Variants in MYO10 observed in about 807,000 individuals in gnomAD.
The protein encoded by MYO10 is unconventional myosin-X.
Under a neutral mutation model 257.3 loss-of-function variants are expected in MYO10, and 133 were observed. The ratio of observed to expected loss-of-function variants is 0.52; its 90% CI spans 0.45 to 0.60. The LOEUF (loss-of-function observed/expected upper bound fraction) is 0.60, where lower values mean the gene tolerates loss of function less well. MYO10 is among the 20% of genes least tolerant of loss of function. The pLI is 0.00. For missense variants in MYO10, 2,399 were observed against 2,635.7 expected (o/e 0.91, Z 1.97); for synonymous variants, 1,104 against 1,028.6 (o/e 1.07, Z -1.40).
chr5:16,675,107 G>A lies in MYO10; in HGVS notation c.4710C>T (p.Ile1570=), dbSNP rs374578193. The A allele has an allele frequency of 2.5e-6, 4 of 1,613,816 alleles. No individual in the cohort carries two copies. The highest frequency in any genetic ancestry group is 3.4e-6 in the Non-Finnish European group (4 of 1,179,904). ...KGYTTLQDEA[I]KIFNSLQQLE... ...GTTGCTGCAGGGAATTGAATATCTT[G>A]ATGGCCTCATCCTGAAGGGTGGTAT... The change falls in exon 35 of 41, where the codon ATC becomes ATT. Residue 1570 remains isoleucine, a synonymous_variant. Transcript: ENST00000513610.
chr5:16,852,119 A>AAGGG lies in MYO10; in HGVS notation c.120+25486_120+25489dup, dbSNP rs544444936. Among the ~76,000 whole-genome samples the AAGGG allele has an allele frequency of 2.3e-3, 340 of 148,950 alleles. 2 individuals are homozygous for AAGGG. The highest frequency in any genetic ancestry group is 7.7e-3 in the African/African-American group (311 of 40,628). On this transcript the variant is annotated intron_variant, in intron 2 of 40. Transcript: ENST00000513610. ...CTGGGAAGGAAAGAAGGAAGGAAGG[A>AAGGG]AGGGAGGGAAGGAGGGAGGGAGGGT...
intron 21 of MYO10, among the ~76,000 whole-genome samples, chr5:16,705,224 C>T (rs1486568317): frequency 6.6e-6 from 1 of 152,204 alleles, no homozygotes; most frequent in Non-Finnish European, 1.5e-5. Context: ...AACTTAAATG[C>T]ACTCAAAATA....
chr5:16,692,185 C>T (rs1421587993), intron 27 of MYO10, among the ~76,000 whole-genome samples: 1 of 152,186 alleles, frequency 6.6e-6, no homozygotes, highest in East Asian at 1.9e-4. Context: ...CTTTGGGAGG[C>T]TGAGGTGTGC....
intron 2 of MYO10, among the ~76,000 whole-genome samples, chr5:16,863,819 C>G (rs966169418): frequency 5.9e-5 from 9 of 152,158 alleles, no homozygotes; most frequent in African/African-American, 2.2e-4. Context: ...AACTCCGGGC[C>G]AGGTGCGGTG....
chr5:16,873,764 C>T (rs866317444), intron 2 of MYO10, among the ~76,000 whole-genome samples: 3 of 152,192 alleles, frequency 2.0e-5, no homozygotes, highest in South Asian at 4.1e-4. Context: ...TCTGAAGCCA[C>T]AGCCTGAGCT....
rs1466589974 is a variant in MYO10 at position 16,668,469 on chromosome 5, C to CT, written c.5884-2dup. 3.1e-6 allele frequency: 5 copies of CT among 1,601,310 alleles called. No individual in the cohort carries two copies. Among genetic ancestry groups the CT allele is most frequent in the Non-Finnish European group, 3.4e-6 (4 of 1,174,532 alleles). ...CCTGAGGGAAGCCACCTTCCTTGCA[C>CT]TGGTGGGCAAGAGTCAACAGAAGAG... On this transcript the variant is annotated splice_acceptor_variant, in intron 39 of 40. Coordinates refer to ENST00000513610, the MANE Select transcript of MYO10 (RefSeq NM_012334.3). LOFTEE classifies it high-confidence loss of function.
At chr5:16,738,172 T>C in intron 19 of MYO10, 1 of 985,446 alleles carries the variant, frequency 1.0e-6, no homozygotes, top group Non-Finnish European at 1.2e-6. Context: ...CAGTGTTTCT[T>C]TTGGAGCCCA....
chr5:16,719,895 C>T (rs1281896706), intron 19 of MYO10, among the ~76,000 whole-genome samples: 3 of 151,910 alleles, frequency 2.0e-5, no homozygotes, highest in African/African-American at 4.8e-5. Context: ...ACCCAGGAGG[C>T]GGAGGTTGTA....
chr5:16,914,637 C>T lies in MYO10; in HGVS notation c.21+21151G>A, dbSNP rs576459612. On this transcript the variant is annotated intron_variant, in intron 1 of 40. Transcript: ENST00000513610. ...TAAGGGAGTCCTAGACAAAACATGCCTTCCACTGGGTACCCCAGACATGAA... is the reference window on the plus strand; with the variant it reads ...TAAGGGAGTCCTAGACAAAACATGCTTTCCACTGGGTACCCCAGACATGAA... 1.1e-3 allele frequency among the ~76,000 whole-genome samples: 164 copies of T among 152,298 alleles called. 1 individual carries two copies. The highest frequency in any genetic ancestry group is 3.8e-3 in the African/African-American group (159 of 41,564).
In MYO10 at chr5:16,889,779, G is replaced by A. The variant is rs1036387001; in HGVS notation, c.22-12072C>T. On this transcript the variant is annotated intron_variant, in intron 1 of 40. Transcript: ENST00000513610. The stretch of plus-strand genomic sequence containing the variant: ...CAGTAGGAGGTACAGGACAGAAAGG[G>A]CAATAAAAGACCAGCACAAGATGTT... 3.3e-5 allele frequency among the ~76,000 whole-genome samples: 5 copies of A among 151,706 alleles called. 1 individual carries two copies. The highest frequency in any genetic ancestry group is 9.7e-5 in the African/African-American group (4 of 41,086).
chr5:16,925,636 T>TCCTGA (rs1746110796), intron 1 of MYO10, among the ~76,000 whole-genome samples: 1 of 152,144 alleles, frequency 6.6e-6, no homozygotes, highest in South Asian at 2.1e-4. Context: ...GGTCTCGAAC[T>TCCTGA]CCTGACCTCA....
intron 1 of MYO10, among the ~76,000 whole-genome samples, chr5:16,923,875 A>G (rs1258481284): frequency 6.6e-6 from 1 of 152,146 alleles, no homozygotes; most frequent in Non-Finnish European, 1.5e-5. Flanking sequence ...GAATCCCTTG[A>G]GCTCAGGAGT....
rs1262047567 is a variant in MYO10, at chr5:16,880,406, C to CAATAGGGGATA, written c.22-2700_22-2699insTATCCCCTATT. Among the ~76,000 whole-genome samples, 615 of 151,868 alleles carry CAATAGGGGATA rather than the reference C, an allele frequency of 4.0e-3. 11 individuals are homozygous for CAATAGGGGATA. The highest frequency in any genetic ancestry group is 0.014 in the African/African-American group (590 of 41,250). The stretch of plus-strand genomic sequence containing the variant: ...CCCACTGACCAACTCACAGAGTTCC[C>CAATAGGGGATA]CGGAGAGTTATACGACTCTCCTAGT... On this transcript the variant is annotated intron_variant, in intron 1 of 40. Transcript: ENST00000513610.
intron 2 of MYO10, among the ~76,000 whole-genome samples, chr5:16,823,446 C>CGGGG (rs1171973848): frequency 0.037 from 155 of 4,180 alleles, 39 homozygotes; most frequent in African/African-American, 0.056. Context: ...CTCCATCTTG[C>CGGGG]GCGGGGGGGG....
At chr5:16,795,178 T>C (rs496033) in intron 3 of MYO10, among the ~76,000 whole-genome samples, 84,663 of 152,040 alleles carry the variant, frequency 0.56, 23,545 homozygotes, top group South Asian at 0.65. Context: ...CCTGTCTCAT[T>C]AAATGGCTAC....
rs142400996 is a variant in MYO10, at chr5:16,880,075, G to A, written c.22-2368C>T. ...CATGCCTGTAATCCCAGCTTCTCAGGAGGCTGAGGCAGGAGAATTGCTTGA... is the reference window on the plus strand; with the variant it reads ...CATGCCTGTAATCCCAGCTTCTCAGAAGGCTGAGGCAGGAGAATTGCTTGA... On this transcript the variant is annotated intron_variant, in intron 1 of 40. Transcript: ENST00000513610. Among the ~76,000 whole-genome samples the A allele has an allele frequency of 1.2e-3, 181 of 152,334 alleles. 1 individual carries two copies. The highest frequency in any genetic ancestry group is 4.1e-3 in the African/African-American group (172 of 41,584).
At chr5:16,667,730 C>T (rs149292533) in intron 40 of MYO10, among the ~76,000 whole-genome samples, 76 of 152,304 alleles carry the variant, frequency 5.0e-4, no homozygotes, top group Non-Finnish European at 5.9e-5. Flanking sequence ...CGTTGACTTG[C>T]TAGCTGTTCC....
intron 27 of MYO10, among the ~76,000 whole-genome samples, chr5:16,690,243 G>A (rs1737436720): frequency 6.6e-6 from 1 of 152,182 alleles, no homozygotes; most frequent in Non-Finnish European, 1.5e-5. Flanking sequence ...TGAAGCATGT[G>A]GGAGAATATG....
At chr5:16,904,489 C>A (rs1315685873) in intron 1 of MYO10, among the ~76,000 whole-genome samples, 4 of 152,168 alleles carry the variant, frequency 2.6e-5, no homozygotes, top group Non-Finnish European at 5.9e-5. Context: ...ACTTACAGGA[C>A]TGAGCCCTCA....
Sources: gnomAD v4.1 joint callset for allele counts (sites outside exome capture counted in the v4.1 genomes callset) on GRCh38, gnomAD v4.1.1 for gene constraint, MANE v1.5 for transcripts, NCBI Gene and HGNC (gene_info 2026-07-23, HGNC 2026-07-21) for gene names.